Variants in MNAT1 observed in about 807,000 individuals in gnomAD.
MNAT1 encodes the protein CDK-activating kinase assembly factor MAT1.
Under a neutral mutation model 42.0 loss-of-function variants are expected in MNAT1, and 43 were observed. The ratio of observed to expected loss-of-function variants is 1.02; its 90% CI spans 0.80 to 1.32. The LOEUF (loss-of-function observed/expected upper bound fraction) is 1.32. Ranked by LOEUF, MNAT1 falls within the 40% of genes most tolerant of loss-of-function variation. The pLI is 0.00. For synonymous variants in MNAT1, 118 were observed against 120.0 expected, an observed-to-expected ratio of 0.98 and a Z score of 0.11; for missense variants, 306 against 350.4, an observed-to-expected ratio of 0.87 and a Z score of 1.01.
Position 60,968,722 on chromosome 14 carries a change from C to T in MNAT1, c.*373C>T, listed in dbSNP as rs762732194. The T allele has an allele frequency of 2.0e-5, 6 of 296,262 alleles. No homozygotes were observed. Among genetic ancestry groups the T allele is most frequent in the Non-Finnish European group, 3.8e-5 (6 of 157,274 alleles). The allele number at this position is 296,262 out of a possible 1,614,324, so 18.4% of individuals were successfully genotyped here. On this transcript the variant is annotated 3_prime_UTR_variant, in exon 8 of 8. Coordinates refer to ENST00000261245, the MANE Select transcript of MNAT1 (RefSeq NM_002431.4). Reference sequence around the variant, plus strand: ...CTTATTACAGTGTTTTACTTGAACACATTTTAAATACCATTTTGATTACAA... The same window carrying T: ...CTTATTACAGTGTTTTACTTGAACATATTTTAAATACCATTTTGATTACAA...
In MNAT1 at chr14:60,786,241, G is replaced by A. The variant is rs190166566; in HGVS notation, c.90-9976G>A. On this transcript the variant is annotated intron_variant, in intron 1 of 7. Coordinates refer to ENST00000261245, the MANE Select transcript of MNAT1 (RefSeq NM_002431.4). ...GTAGCATTTCTAATCAAGAGAAAGA[G>A]GTAGAAAAACAAAATAAGAAGTGAA... 5.9e-5 allele frequency among the ~76,000 whole-genome samples: 9 copies of A among 151,984 alleles called. No homozygotes were observed. The East Asian group carries it at 1.4e-3, about 23-fold the overall frequency.
chr14:60,777,436 T>TC (rs549914428), intron 1 of MNAT1, among the ~76,000 whole-genome samples: 13 of 150,836 alleles, frequency 8.6e-5, no homozygotes, highest in South Asian at 8.4e-4. Context: ...ACCCCACCTC[T>TC]CCCCCCCCAA....
intron 7 of MNAT1, among the ~76,000 whole-genome samples, chr14:60,887,396 C>A (rs1169552605): frequency 4.2e-5 from 5 of 118,400 alleles, no homozygotes; most frequent in African/African-American, 1.3e-4. Context: ...CCCCTCCCCC[C>A]ACCCCACAAC....
At chr14:60,923,500 A>G (rs2035704308) in intron 7 of MNAT1, among the ~76,000 whole-genome samples, 1 of 152,196 alleles carries the variant, frequency 6.6e-6, no homozygotes, top group Admixed American at 6.5e-5. Context: ...TATACTTTAC[A>G]TTAATACTTT....
At chr14:60,855,175 A>G (rs1382230195) in intron 6 of MNAT1, among the ~76,000 whole-genome samples, 1 of 152,182 alleles carries the variant, frequency 6.6e-6, no homozygotes, top group African/African-American at 2.4e-5. Flanking sequence ...ACCAAGCTCG[A>G]CTGACCTAGG....
intron 6 of MNAT1, among the ~76,000 whole-genome samples, chr14:60,855,962 T>A (rs1390871172): frequency 6.6e-6 from 1 of 152,198 alleles, no homozygotes; most frequent in Non-Finnish European, 1.5e-5. Flanking sequence ...CAGGCCTCCC[T>A]ATTCCTTTAG....
chr14:60,756,035 T>C (rs2030335272), intron 1 of MNAT1, among the ~76,000 whole-genome samples: 2 of 152,244 alleles, frequency 1.3e-5, no homozygotes, highest in African/African-American at 4.8e-5. Flanking sequence ...TGCCATTGTG[T>C]AATGCTTCTG....
intron 6 of MNAT1, among the ~76,000 whole-genome samples, chr14:60,824,186 T>C (rs942097555): frequency 2.0e-5 from 3 of 152,076 alleles, no homozygotes; most frequent in Admixed American, 6.6e-5. Context: ...ACCATTCTTA[T>C]GAGATTGTGA....
At chr14:60,744,516 T>G (rs925109049) in intron 1 of MNAT1, among the ~76,000 whole-genome samples, 1 of 152,232 alleles carries the variant, frequency 6.6e-6, no homozygotes, top group East Asian at 1.9e-4. Flanking sequence ...GTTTACTACT[T>G]TTTAATTGTA....
At chr14:60,825,853 CT>C (rs2033039169) in intron 6 of MNAT1, among the ~76,000 whole-genome samples, 1 of 152,100 alleles carries the variant, frequency 6.6e-6, no homozygotes, top group Non-Finnish European at 1.5e-5. Context: ...TAATAACTTT[CT>C]TTTCCTGATC....
intron 1 of MNAT1, among the ~76,000 whole-genome samples, chr14:60,791,081 T>G (rs1163879720): frequency 6.6e-6 from 1 of 152,178 alleles, no homozygotes; most frequent in Admixed American, 6.5e-5. Flanking sequence ...TTATTAACTC[T>G]TTCCTTTTCC....
At chr14:60,910,238 G>A (rs907455709) in intron 7 of MNAT1, among the ~76,000 whole-genome samples, 2 of 151,946 alleles carry the variant, frequency 1.3e-5, no homozygotes, top group African/African-American at 2.4e-5. Flanking sequence ...AGATGATGGG[G>A]TTTTCTAGAT....
At chr14:60,782,484 C>T (rs1030342741) in intron 1 of MNAT1, among the ~76,000 whole-genome samples, 2 of 152,032 alleles carry the variant, frequency 1.3e-5, no homozygotes, top group African/African-American at 4.8e-5. Context: ...TTTTCATGGC[C>T]CAGCTCAATT....
At chr14:60,820,777 A>G (rs2032868054) in intron 6 of MNAT1, among the ~76,000 whole-genome samples, 1 of 152,152 alleles carries the variant, frequency 6.6e-6, no homozygotes, top group Admixed American at 6.5e-5. Context: ...TCCTAAATAA[A>G]TGAATGATGG....
At chr14:60,919,133 G>T (rs191323667) in intron 7 of MNAT1, 2 of 151,940 alleles carry the variant, frequency 1.3e-5, no homozygotes, top group African/African-American at 4.8e-5. Flanking sequence ...CAGTTGGTTG[G>T]TGTGCCAGAG....
At chr14:60,880,957 T>C (rs1190265453) in intron 7 of MNAT1, among the ~76,000 whole-genome samples, 6 of 152,320 alleles carry the variant, frequency 3.9e-5, no homozygotes, top group African/African-American at 9.6e-5. Context: ...TAAAAAGTTA[T>C]ACATGATGTA....
rs1302617801 is a variant in MNAT1, at chr14:60,902,368, G to T, written c.809+22533G>T. On this transcript the variant is annotated intron_variant, in intron 7 of 7. Transcript: ENST00000261245. ...TTATGCAAGGAATGGATACAACGGG[G>T]TAGAATATTGAGGGCCATGTCTAAA... 2.6e-5 allele frequency among the ~76,000 whole-genome samples: 4 copies of T among 152,136 alleles called. No individual in the cohort carries two copies. The East Asian group carries it at 5.8e-4, about 22-fold the overall frequency.
rs4151248 is a variant in MNAT1 at position 60,838,578 on chromosome 14, G to A, written c.687+19731G>A. Among the ~76,000 whole-genome samples, 262 of 152,284 alleles carry A rather than the reference G, an allele frequency of 1.7e-3. 1 individual carries two copies. The highest frequency in any genetic ancestry group is 5.6e-3 in the African/African-American group (231 of 41,554). Reference sequence around the variant, plus strand: ...GGATGGCAGCAGCAGTCACTGCAAAGACACCAGCTGCAGTGGGGAAGGTAT... The same window carrying A: ...GGATGGCAGCAGCAGTCACTGCAAAAACACCAGCTGCAGTGGGGAAGGTAT... On this transcript the variant is annotated intron_variant, in intron 6 of 7. Coordinates refer to ENST00000261245, the MANE Select transcript of MNAT1 (RefSeq NM_002431.4).
intron 1 of MNAT1, among the ~76,000 whole-genome samples, chr14:60,741,580 C>T (rs890932520): frequency 4.7e-5 from 7 of 150,234 alleles, no homozygotes; most frequent in African/African-American, 9.8e-5. Context: ...AGGATGGTCT[C>T]GATCTCCTGA....
Sources: gnomAD v4.1 joint callset for allele counts (sites outside exome capture counted in the v4.1 genomes callset) on GRCh38, gnomAD v4.1.1 for gene constraint, MANE v1.5 for transcripts, NCBI Gene and HGNC (gene_info 2026-07-23, HGNC 2026-07-21) for gene names.